Variants in DYRK1A observed in about 807,000 individuals in gnomAD.
DYRK1A encodes dual specificity tyrosine phosphorylation regulated kinase 1A, also known as dual specificity tyrosine-phosphorylation-regulated kinase 1A.
DYRK1A carries 9 observed loss-of-function variants against 79.7 expected under a neutral mutation model. The ratio of observed to expected loss-of-function variants is 0.11; its 90% confidence interval spans 0.07 to 0.20. The LOEUF (loss-of-function observed/expected upper bound fraction) is 0.20. Among genes scored for constraint, DYRK1A ranks in the 10% least tolerant of loss-of-function variants. DYRK1A has a pLI of 1.00. For missense variants in DYRK1A, 622 were observed against 956.0 expected (o/e 0.65, Z 4.61); for synonymous variants, 349 against 329.7 (o/e 1.06, Z -0.63).
chr21:37,457,022 TTACTTAC>T (rs1569339416), intron 2 of DYRK1A, among the ~76,000 whole-genome samples: 11 of 69,468 alleles, frequency 1.6e-4, no homozygotes, highest in African/African-American at 4.9e-4. Flanking sequence ...ATTTACTTAC[TTACTTAC>T]TTACTTACTT....
intron 1 of DYRK1A, among the ~76,000 whole-genome samples, chr21:37,417,212 C>CA (rs1569304067): frequency 3.3e-5 from 5 of 151,952 alleles, no homozygotes; most frequent in Admixed American, 1.3e-4. Flanking sequence ...TTTTTGGAGA[C>CA]AGAGTTTCCC....
chr21:37,452,074 C>T (rs1328679393), intron 2 of DYRK1A, among the ~76,000 whole-genome samples: 3 of 151,042 alleles, frequency 2.0e-5, no homozygotes, highest in Non-Finnish European at 4.4e-5. Context: ...GGAAATAAGA[C>T]GAGAGGTGTA....
intron 4 of DYRK1A, among the ~76,000 whole-genome samples, chr21:37,479,589 G>GTTTTTTTTTTTTTTTTTTT (rs1569361929): frequency 2.7e-5 from 2 of 74,392 alleles, no homozygotes; most frequent in African/African-American, 1.1e-4. Flanking sequence ...CAGTGTTGGT[G>GTTTTTTTTTTTTTTTTTTT]TTTTGTTTTT....
chr21:37,424,954 A>G (rs1053481189), intron 2 of DYRK1A, among the ~76,000 whole-genome samples: 4 of 152,224 alleles, frequency 2.6e-5, no homozygotes, highest in Non-Finnish European at 5.9e-5. Context: ...AACAGGCAAA[A>G]AGAAGAATCT....
chr21:37,468,918 G>A (rs1381268152), intron 2 of DYRK1A, among the ~76,000 whole-genome samples: 1 of 152,166 alleles, frequency 6.6e-6, no homozygotes, highest in Non-Finnish European at 1.5e-5. Flanking sequence ...GTAACCAATA[G>A]GGGCTCGATC....
chr21:37,457,456 C>T lies in DYRK1A; in HGVS notation c.11-15228C>T, dbSNP rs1254267771. ...TTCGCCATGTTGACCAGTCTGGTCT[C>T]GAACTCCTCGCCTCAAGTGATCCGC... On this transcript the variant is annotated intron_variant, in intron 2 of 11. Coordinates refer to ENST00000647188, the MANE Select transcript of DYRK1A (RefSeq NM_001347721.2). Among the ~76,000 whole-genome samples, 8 of 152,054 alleles carry T rather than the reference C, an allele frequency of 5.3e-5. No homozygotes were observed. In the South Asian group the frequency reaches 1.5e-3, roughly 28 times the overall value.
rs145934730 is a variant in DYRK1A, at chr21:37,455,626, C to G, written c.11-17058C>G. The stretch of plus-strand genomic sequence containing the variant: ...CTCAGAGTGTCTCTTCATGCATCTC[C>G]TTCCTTTCTTTTGCTGACAATTCCC... On this transcript the variant is annotated intron_variant, in intron 2 of 11. Transcript: ENST00000647188. 4.7e-3 allele frequency among the ~76,000 whole-genome samples: 719 copies of G among 152,250 alleles called. 4 individuals carry two copies. The highest frequency in any genetic ancestry group is 0.044 in the Middle Eastern group (13 of 294).
intron 11 of DYRK1A, among the ~76,000 whole-genome samples, chr21:37,509,484 T>C (rs7283464): frequency 0.31 from 46,812 of 152,150 alleles, 7,318 homozygotes; most frequent in South Asian, 0.39. Context: ...TCTTGCTCTT[T>C]AGCCCAGGCT....
Position 37,406,787 on chromosome 21 carries a change from CTA to C in DYRK1A, c.-76-13506_-76-13505del, listed in dbSNP as rs899737279. Among the ~76,000 whole-genome samples the C allele has an allele frequency of 6.8e-5, 10 of 147,088 alleles. No individual in the cohort carries two copies. The East Asian group carries it at 1.8e-3, about 26-fold the overall frequency. ...TATGTATATATCTCTATATACATCT[CTA>C]TATATGTATATAATTATATATATCT... On this transcript the variant is annotated intron_variant, in intron 1 of 11. Coordinates refer to ENST00000647188, the MANE Select transcript of DYRK1A (RefSeq NM_001347721.2).
intron 1 of DYRK1A, among the ~76,000 whole-genome samples, chr21:37,387,029 A>G (rs2049774234): frequency 2.0e-5 from 3 of 152,164 alleles, no homozygotes; most frequent in African/African-American, 7.2e-5. Context: ...ACATGTCTAA[A>G]TGGACGTGGG....
At chr21:37,369,125 TTGAA>T (rs566200361) in intron 1 of DYRK1A, among the ~76,000 whole-genome samples, 101 of 152,350 alleles carry the variant, frequency 6.6e-4, no homozygotes, top group African/African-American at 2.4e-3. Flanking sequence ...TAGTTATTCT[TTGAA>T]TGCTTAAGGG....
intron 2 of DYRK1A, among the ~76,000 whole-genome samples, chr21:37,433,738 C>T (rs539053080): frequency 6.6e-6 from 1 of 152,274 alleles, no homozygotes; most frequent in African/African-American, 2.4e-5. Flanking sequence ...CTGAGCTAAT[C>T]TCATGAAAGC....
chr21:37,380,848 C>G (rs945583781), intron 1 of DYRK1A, among the ~76,000 whole-genome samples: 3 of 152,156 alleles, frequency 2.0e-5, no homozygotes, highest in Non-Finnish European at 2.9e-5. Flanking sequence ...GGCTCACTGC[C>G]TCTTCTCACC....
At chr21:37,502,014 T>C (rs1423609474) in intron 9 of DYRK1A, 1 of 152,230 alleles carries the variant, frequency 6.6e-6, no homozygotes, top group African/African-American at 2.4e-5. Context: ...TGTTTGTCTT[T>C]AAGTCTGCTT....
chr21:37,373,922 G>A (rs2049484156), intron 1 of DYRK1A, among the ~76,000 whole-genome samples: 1 of 152,082 alleles, frequency 6.6e-6, no homozygotes, highest in Non-Finnish European at 1.5e-5. Flanking sequence ...AAATACAATG[G>A]ATTGCATTAG....
chr21:37,391,226 A>G (rs1285474421), intron 1 of DYRK1A, among the ~76,000 whole-genome samples: 6 of 152,164 alleles, frequency 3.9e-5, no homozygotes, highest in Non-Finnish European at 8.8e-5. Context: ...CTCGGCTTTC[A>G]GTGGACAGAG....
intron 9 of DYRK1A, 156 bp from the exon 10 acceptor site, chr21:37,505,127 G>A: frequency 4.8e-6 from 3 of 631,158 alleles, no homozygotes; most frequent in Non-Finnish European, 8.2e-6. Flanking sequence ...ATGCATTTGG[G>A]ATAGTAATGT....
At chr21:37,464,039 AATTC>A (rs1467312877) in intron 2 of DYRK1A, among the ~76,000 whole-genome samples, 17 of 152,348 alleles carry the variant, frequency 1.1e-4, no homozygotes, top group Non-Finnish European at 5.9e-5. Context: ...CTAACAAAGA[AATTC>A]AGGTTAGGTA....
intron 9 of DYRK1A, 120 bp downstream of exon 9, chr21:37,496,378 A>G: frequency 1.0e-6 from 1 of 968,634 alleles, no homozygotes; most frequent in Admixed American, 2.8e-5. Context: ...TTTTATTGAT[A>G]CCTTACATAG....
Sources: allele counts gnomAD v4.1 joint callset (sites outside exome capture counted in the v4.1 genomes callset), GRCh38; gene constraint gnomAD v4.1.1; transcripts MANE v1.5; gene names NCBI Gene and HGNC (gene_info 2026-07-23, HGNC 2026-07-21).